Variants in KLHL14 observed in about 807,000 individuals in gnomAD.
The protein encoded by KLHL14 is kelch-like protein 14.
A neutral mutation model predicts 64.3 loss-of-function variants in KLHL14; 22 were observed. The observed-to-expected ratio is 0.34, with a 90% CI of 0.24 to 0.49. The LOEUF is 0.49. Among genes scored for constraint, KLHL14 ranks in the 20% least tolerant of loss-of-function variants. KLHL14 has a pLI of 0.99. For missense variants in KLHL14, 661 were observed against 789.0 expected, an observed-to-expected ratio of 0.84 and a Z score of 1.94; for synonymous variants, 322 against 333.4, an observed-to-expected ratio of 0.97 and a Z score of 0.37.
At chr18:32,717,821 C>G (rs1189777970) in intron 3 of KLHL14, among the ~76,000 whole-genome samples, 3 of 152,204 alleles carry the variant, frequency 2.0e-5, no homozygotes, top group African/African-American at 7.2e-5. Context: ...AGGCACAAGT[C>G]TTGAGTATGA....
At chr18:32,723,601 A>G (rs563270126) in intron 3 of KLHL14, among the ~76,000 whole-genome samples, 1 of 152,232 alleles carries the variant, frequency 6.6e-6, no homozygotes, top group South Asian at 2.1e-4. Flanking sequence ...GTGGACATGT[A>G]TTGAGGGCTT....
At chr18:32,739,148 C>T (rs2050182196) in intron 3 of KLHL14, among the ~76,000 whole-genome samples, 1 of 152,068 alleles carries the variant, frequency 6.6e-6, no homozygotes, top group East Asian at 1.9e-4. Context: ...ATAAGTAGAC[C>T]CCAAACCAGG....
At chr18:32,704,042 A>T (rs1016333845) in intron 3 of KLHL14, among the ~76,000 whole-genome samples, 1 of 152,150 alleles carries the variant, frequency 6.6e-6, no homozygotes, top group Non-Finnish European at 1.5e-5. Flanking sequence ...TATCATTCTC[A>T]TACTTTTTAT....
intron 3 of KLHL14, among the ~76,000 whole-genome samples, chr18:32,698,313 A>C (rs2049946458): frequency 6.6e-6 from 1 of 152,174 alleles, no homozygotes; most frequent in South Asian, 2.1e-4. Context: ...TTTGTACTCC[A>C]GGTTCACATA....
At chr18:32,706,425 A>G (rs902055607) in intron 3 of KLHL14, among the ~76,000 whole-genome samples, 2 of 152,192 alleles carry the variant, frequency 1.3e-5, no homozygotes, top group East Asian at 3.9e-4. Context: ...AATATGATGA[A>G]TCCCTTTACC....
intron 3 of KLHL14, among the ~76,000 whole-genome samples, chr18:32,719,923 C>T (rs892887923): frequency 1.3e-5 from 2 of 152,146 alleles, no homozygotes; most frequent in Non-Finnish European, 2.9e-5. Context: ...TCAATCTCAG[C>T]CAATAGTAGT....
At chr18:32,759,614 T>G (rs998468071) in intron 2 of KLHL14, among the ~76,000 whole-genome samples, 1 of 152,024 alleles carries the variant, frequency 6.6e-6, no homozygotes, top group Non-Finnish European at 1.5e-5. Context: ...GTGGTAGAGG[T>G]GAGATTTAAA....
At chr18:32,698,525 C>T (rs974949503) in intron 3 of KLHL14, among the ~76,000 whole-genome samples, 2 of 152,168 alleles carry the variant, frequency 1.3e-5, no homozygotes, top group Admixed American at 6.5e-5. Context: ...TCCTCAAATG[C>T]ACTGGGCCTT....
chr18:32,699,859 T>C (rs1430437284), intron 3 of KLHL14, among the ~76,000 whole-genome samples: 2 of 152,134 alleles, frequency 1.3e-5, no homozygotes, highest in African/African-American at 4.8e-5. Context: ...AGAGTACATT[T>C]GTTTTATGGA....
chr18:32,735,632 C>A (rs373494976), intron 3 of KLHL14, among the ~76,000 whole-genome samples: 5 of 152,124 alleles, frequency 3.3e-5, no homozygotes, highest in African/African-American at 1.2e-4. Flanking sequence ...TAGTAATATT[C>A]CCCATGACTC....
In KLHL14 at chr18:32,769,843, C is replaced by A. The variant is rs750731783; in HGVS notation, c.749G>T (p.Arg250Leu). ...QMSVLWLEHDRETRMQYAPDL... is the reference protein window; with the variant it reads ...QMSVLWLEHDLETRMQYAPDL... ...AGGCGCATACTGCATGCGGGTCTCG[C>A]GGTCGTGCTCCAGCCACAGCACGGA... Residue 250 changes from arginine to leucine, a missense_variant, in exon 2 of 9, where the codon CGC (arginine) becomes CTC (leucine). By Grantham distance (102) the Arg-to-Leu change is moderately radical (BLOSUM62 -2). This residue lies in a region of KLHL14 where 331 missense variants were observed against 339.0 expected (regional missense o/e 0.98). Transcript: ENST00000359358. 1.9e-6 allele frequency: 3 copies of A among 1,613,772 alleles called. No individual in the cohort carries two copies. The highest frequency in any genetic ancestry group is 3.3e-5 in the Admixed American group (2 of 60,014).
chr18:32,687,770 A>G (rs1460145886), intron 4 of KLHL14, among the ~76,000 whole-genome samples: 1 of 152,202 alleles, frequency 6.6e-6, no homozygotes, highest in Non-Finnish European at 1.5e-5. Flanking sequence ...AAGGAAAGGT[A>G]TAGAGATTTC....
chr18:32,677,771 A>G (rs1345297857), intron 7 of KLHL14, among the ~76,000 whole-genome samples: 2 of 152,140 alleles, frequency 1.3e-5, no homozygotes, highest in Non-Finnish European at 1.5e-5. Context: ...CTTTCATTTT[A>G]TAGATAAGGG....
intron 3 of KLHL14, among the ~76,000 whole-genome samples, chr18:32,732,166 G>A (rs1034762674): frequency 1.3e-5 from 2 of 152,230 alleles, no homozygotes; most frequent in Middle Eastern, 3.2e-3. Context: ...GGAGGTTGCA[G>A]TGAGTTGAGA....
chr18:32,714,199 T>G (rs541487051), intron 3 of KLHL14, among the ~76,000 whole-genome samples: 44 of 152,284 alleles, frequency 2.9e-4, no homozygotes, highest in Admixed American at 2.2e-3. Context: ...ACCCAGTGTA[T>G]ATAGAAGATA....
chr18:32,715,875 T>C (rs1399996331), intron 3 of KLHL14, among the ~76,000 whole-genome samples: 1 of 152,146 alleles, frequency 6.6e-6, no homozygotes, highest in African/African-American at 2.4e-5. Flanking sequence ...TTCAAATCCA[T>C]CAGGGCCCTT....
chr18:32,674,738 G>A lies in KLHL14; in HGVS notation c.1806C>T (p.Leu602=), dbSNP rs769108148. Residue 602 remains leucine, a synonymous_variant, in exon 9 of 9, where the codon CTC becomes CTT. Transcript: ENST00000359358. ...CCAACGGTTCTGCTACATCTCCTTC[G>A]AGTTCTGTCCAGGTTCCTTTCTCTG... The part of the protein sequence containing the change: ...YCPEKGTWTE[L]EGDVAEPLAG... 12 of 780,808 alleles carry A rather than the reference G, an allele frequency of 1.5e-5. No individual in the cohort carries two copies. Among genetic ancestry groups the A allele is most frequent in the East Asian group, 4.8e-5 (2 of 41,262 alleles). 48.4% of individuals were successfully genotyped at this position (780,808 alleles called of 1,614,324 possible).
chr18:32,769,975 T>C lies in KLHL14; in HGVS notation c.617A>G (p.Asn206Ser), dbSNP rs761334295. The change falls in exon 2 of 9, where the codon AAC becomes AGC. Residue 206 changes from asparagine to serine, a missense_variant. By Grantham distance (46) the Asn-to-Ser change is conservative. Transcript: ENST00000359358. ...CAGCACATCCTCCACCAGGTACTTG[T>C]TGGCCAGCTTCTTGGTCTCCTCCAG... ...HGLEETKKLA[N>S]KYLVEDVLLL... 1.8e-5 allele frequency: 29 copies of C among 1,614,092 alleles called. No individual in the cohort carries two copies. The highest frequency in any genetic ancestry group is 1.6e-4 in the South Asian group (15 of 91,082).
intron 3 of KLHL14, among the ~76,000 whole-genome samples, chr18:32,734,558 G>A (rs1013662241): frequency 3.6e-4 from 55 of 152,152 alleles, no homozygotes; most frequent in Non-Finnish European, 7.6e-4. Flanking sequence ...CTGAATCAAA[G>A]TGTGTCTTCT....
Sources: allele counts gnomAD v4.1 joint callset (sites outside exome capture counted in the v4.1 genomes callset), GRCh38; gene constraint gnomAD v4.1.1; regional missense constraint gnomAD v4.1.1; transcripts MANE v1.5; gene names NCBI Gene and HGNC (gene_info 2026-07-23, HGNC 2026-07-21).